Variants in SORT1 observed in about 807,000 individuals in gnomAD.
SORT1 encodes sortilin 1.
A neutral mutation model predicts 101.7 loss-of-function variants in SORT1; 39 were observed. That is an observed-to-expected ratio of 0.38 (90% CI 0.30 to 0.50). The LOEUF is 0.50. Among genes scored for constraint, SORT1 ranks in the 20% least tolerant of loss-of-function variants. The pLI is 0.90. For synonymous variants in SORT1, 396 were observed against 393.7 expected (o/e 1.01, Z -0.07); for missense variants, 878 against 1,040.4 (o/e 0.84, Z 2.15).
chr1:109,314,790 A>C lies in SORT1; in HGVS notation c.2251-12T>G. ...TTTGACTTGGAATTCTTGAGAAATTAAAACACAAACACAAAAGTTTTAGGC... is the reference window on the plus strand; with the variant it reads ...TTTGACTTGGAATTCTTGAGAAATTCAAACACAAACACAAAAGTTTTAGGC... On this transcript the variant is annotated splice_polypyrimidine_tract_variant and intron_variant, in intron 17 of 19. Transcript: ENST00000256637. The C allele has an allele frequency of 6.6e-7, 1 of 1,526,220 alleles. No homozygotes were observed. Among genetic ancestry groups the C allele is most frequent in the Non-Finnish European group, 9.1e-7 (1 of 1,100,416 alleles). 94.5% of individuals were successfully genotyped at this position (1,526,220 alleles called of 1,614,324 possible). A position where few individuals can be genotyped will look rare whatever the true frequency, so the allele number is the denominator to read the frequency against.
At position 109,341,979 on chromosome 1, in the gene SORT1, A is replaced by C. The variant is rs1461582289; in HGVS notation, c.1108+35T>G. ...AAAGCTGCTCAAAGCTTACATCTCT[A>C]TGCTTTTAAGGGTAAGCCACTAAAA... is the stretch of plus-strand genomic sequence containing the variant. On this transcript the variant is annotated intron_variant, in intron 9 of 19. Coordinates refer to ENST00000256637, the MANE Select transcript of SORT1 (RefSeq NM_002959.7). 8 of 1,597,412 alleles carry C rather than the reference A, an allele frequency of 5.0e-6. No individual in the cohort carries two copies. The Admixed American group carries it at 1.3e-4, about 27-fold the overall frequency.
chr1:109,315,963 T>C (rs1366807534), intron 17 of SORT1, among the ~76,000 whole-genome samples: 1 of 151,764 alleles, frequency 6.6e-6, no homozygotes, highest in African/African-American at 2.4e-5. Flanking sequence ...TTTCTCCATG[T>C]TGCCCAGGCT....
intron 1 of SORT1, among the ~76,000 whole-genome samples, chr1:109,372,449 C>T (rs772060207): frequency 2.0e-5 from 3 of 152,002 alleles, no homozygotes; most frequent in Non-Finnish European, 2.9e-5. Context: ...AAAAAGATGA[C>T]GCCCAAGTAA....
intron 3 of SORT1, among the ~76,000 whole-genome samples, chr1:109,366,583 G>C (rs1651104281): frequency 6.6e-6 from 1 of 152,100 alleles, no homozygotes; most frequent in South Asian, 2.1e-4. Context: ...CTTGGAACCA[G>C]GTCCCTTTTC....
intron 6 of SORT1, among the ~76,000 whole-genome samples, chr1:109,349,284 G>T (rs1649812782): frequency 6.6e-6 from 1 of 152,066 alleles, no homozygotes; most frequent in Admixed American, 6.6e-5. Context: ...GGTGGAGACT[G>T]CAGTGAGCCG....
intron 10 of SORT1, 95 bp downstream of exon 10, chr1:109,340,629 G>C (rs533833259): frequency 1.6e-6 from 2 of 1,276,308 alleles, no homozygotes; most frequent in Admixed American, 3.9e-5. Flanking sequence ...TGTTGGCTTG[G>C]CAAGCAACAT....
chr1:109,384,200 G>A (rs1049233360), intron 1 of SORT1, among the ~76,000 whole-genome samples: 5 of 152,072 alleles, frequency 3.3e-5, no homozygotes, highest in South Asian at 2.1e-4. Context: ...TCAGCAACCC[G>A]GATACTCACC....
intron 3 of SORT1, among the ~76,000 whole-genome samples, chr1:109,357,397 T>C (rs949243350): frequency 2.0e-5 from 3 of 152,230 alleles, no homozygotes; most frequent in African/African-American, 7.2e-5. Flanking sequence ...TGCAGAACCA[T>C]GAGCAGTGTA....
At chr1:109,344,007 C>T (rs967521792) in intron 8 of SORT1, among the ~76,000 whole-genome samples, 21 of 152,190 alleles carry the variant, frequency 1.4e-4, no homozygotes, top group Non-Finnish European at 3.1e-4. Flanking sequence ...TCTTTGCCAT[C>T]CTAGAAAATG....
intron 3 of SORT1, among the ~76,000 whole-genome samples, chr1:109,357,774 C>T (rs1281391670): frequency 6.6e-6 from 1 of 152,130 alleles, no homozygotes; most frequent in Non-Finnish European, 1.5e-5. Flanking sequence ...TAAGTACATA[C>T]ACACACACAG....
At chr1:109,320,452 T>C (rs1158693634) in intron 15 of SORT1, among the ~76,000 whole-genome samples, 1 of 152,212 alleles carries the variant, frequency 6.6e-6, no homozygotes, top group African/African-American at 2.4e-5. Context: ...TTCTTTATCA[T>C]GACTACTGTG....
intron 1 of SORT1, among the ~76,000 whole-genome samples, chr1:109,380,129 C>CA (rs1170721484): frequency 2.0e-5 from 3 of 151,640 alleles, no homozygotes; most frequent in Non-Finnish European, 2.9e-5. Flanking sequence ...AGAAAACAAA[C>CA]AAAAAAACAA....
At chr1:109,335,871 T>C (rs1427848297) in intron 11 of SORT1, among the ~76,000 whole-genome samples, 1 of 152,248 alleles carries the variant, frequency 6.6e-6, no homozygotes, top group South Asian at 2.1e-4. Context: ...TGAGCAAGGC[T>C]GTGCACTGCT....
chr1:109,386,862 G>A (rs1652601363), intron 1 of SORT1, among the ~76,000 whole-genome samples: 1 of 152,164 alleles, frequency 6.6e-6, no homozygotes, highest in Non-Finnish European at 1.5e-5. Flanking sequence ...GCTAACAGCA[G>A]CTGCTCAGTT....
At chr1:109,346,819 T>C (rs1398359592) in intron 7 of SORT1, among the ~76,000 whole-genome samples, 1 of 152,014 alleles carries the variant, frequency 6.6e-6, no homozygotes, top group Non-Finnish European at 1.5e-5. Context: ...TATCTTATCC[T>C]ATTTTAAATT....
intron 10 of SORT1, among the ~76,000 whole-genome samples, chr1:109,338,080 G>T (rs1024411296): frequency 6.6e-6 from 1 of 152,152 alleles, no homozygotes; most frequent in African/African-American, 2.4e-5. Flanking sequence ...AAATACTTGC[G>T]CAGCTAAAGG....
At chr1:109,332,576 A>G (rs1359801480) in intron 11 of SORT1, among the ~76,000 whole-genome samples, 1 of 152,216 alleles carries the variant, frequency 6.6e-6, no homozygotes, top group East Asian at 1.9e-4. Flanking sequence ...CCTCTTAAAA[A>G]AAATTCCAAT....
intron 17 of SORT1, among the ~76,000 whole-genome samples, chr1:109,315,982 A>G (rs1377835933): frequency 6.6e-6 from 1 of 151,520 alleles, no homozygotes; most frequent in African/African-American, 2.4e-5. Context: ...CTGCTCTCCA[A>G]TTCATAGCCT....
chr1:109,336,475 C>A, intron 10 of SORT1, 129 bp from the exon 11 acceptor site: 2 of 649,116 alleles, frequency 3.1e-6, no homozygotes, highest in Non-Finnish European at 5.6e-6. Context: ...TAACACCTCA[C>A]AAAACGGCTC....
Sources: allele counts gnomAD v4.1 joint callset (sites outside exome capture counted in the v4.1 genomes callset), GRCh38; gene constraint gnomAD v4.1.1; transcripts MANE v1.5; gene names NCBI Gene and HGNC (gene_info 2026-07-23, HGNC 2026-07-21).